Variants in SYNPO2 observed in about 807,000 individuals in gnomAD.
SYNPO2 encodes synaptopodin-2.
SYNPO2 carries 56 observed loss-of-function variants against 85.0 expected under a neutral mutation model. That is an observed-to-expected ratio of 0.66 (90% CI 0.53 to 0.82). The LOEUF (loss-of-function observed/expected upper bound fraction) is 0.82, where lower values mean the gene tolerates loss of function less well. SYNPO2 is among the 40% of genes least tolerant of loss of function. SYNPO2 has a pLI of 0.00. For missense variants in SYNPO2, 1,575 were observed against 1,534.2 expected, an observed-to-expected ratio of 1.03 and a Z score of -0.44; for synonymous variants, 602 against 591.1, an observed-to-expected ratio of 1.02 and a Z score of -0.27.
chr4:118,922,612 C>A (rs950240823), intron 1 of SYNPO2, among the ~76,000 whole-genome samples: 1 of 151,630 alleles, frequency 6.6e-6, no homozygotes. Flanking sequence ...TCTACTGGAA[C>A]CTACATGTTT....
chr4:119,027,590 T>C (rs1738026354), intron 3 of SYNPO2, 152 bp downstream of exon 3: 2 of 778,976 alleles, frequency 2.6e-6, no homozygotes, highest in African/African-American at 3.5e-5. Flanking sequence ...AAATGTGAAA[T>C]TGTGGAGAAT....
intron 1 of SYNPO2, among the ~76,000 whole-genome samples, chr4:118,976,133 T>C (rs1396405718): frequency 6.6e-6 from 1 of 152,176 alleles, no homozygotes; most frequent in Non-Finnish European, 1.5e-5. Flanking sequence ...CCGCGGACTC[T>C]CGCGGTGAGT....
intron 1 of SYNPO2, among the ~76,000 whole-genome samples, chr4:118,872,793 T>G (rs991339900): frequency 6.6e-6 from 1 of 152,084 alleles, no homozygotes; most frequent in African/African-American, 2.4e-5. Context: ...GACATGCCCA[T>G]TAAGTAATTT....
intron 1 of SYNPO2, among the ~76,000 whole-genome samples, chr4:118,860,730 T>C (rs961207389): frequency 2.0e-5 from 3 of 151,966 alleles, no homozygotes; most frequent in Admixed American, 6.6e-5. Flanking sequence ...TAATTTTTTG[T>C]ATTTTTAGTA....
rs139937747 is a variant in SYNPO2 at position 118,900,737 on chromosome 4, G to A, written c.105+11596G>A. On this transcript the variant is annotated intron_variant, in intron 1 of 4. Coordinates refer to ENST00000307142, the MANE Select transcript of SYNPO2 (RefSeq NM_133477.3). ...TATATATATATATATATATATGTCT[G>A]TCTGTCTATCTATCTATCTATCTAT... is the stretch of plus-strand genomic sequence containing the variant. 5.1e-3 allele frequency among the ~76,000 whole-genome samples: 422 copies of A among 82,006 alleles called. 1 individual carries two copies. Among genetic ancestry groups the A allele is most frequent in the African/African-American group, 9.4e-3 (229 of 24,292 alleles). The allele number at this position is 82,006 out of a possible 152,430, so 53.8% of individuals were successfully genotyped here.
chr4:118,976,157 A>G (rs1179731975), intron 1 of SYNPO2, among the ~76,000 whole-genome samples: 1 of 152,122 alleles, frequency 6.6e-6, no homozygotes, highest in Non-Finnish European at 1.5e-5. Flanking sequence ...ACAGCTCTTA[A>G]GTTGGCACGT....
chr4:119,048,138 T>C (rs1031362378), intron 4 of SYNPO2, among the ~76,000 whole-genome samples: 1 of 152,204 alleles, frequency 6.6e-6, no homozygotes. Context: ...TTTAGAAAAA[T>C]TGGTTTGTTC....
intron 1 of SYNPO2, among the ~76,000 whole-genome samples, chr4:118,990,292 A>T (rs1321423953): frequency 6.6e-6 from 1 of 152,228 alleles, no homozygotes; most frequent in East Asian, 1.9e-4. Flanking sequence ...TCACAAAGAA[A>T]CGTGCAGTGC....
At chr4:118,980,628 G>T (rs1469311320) in intron 1 of SYNPO2, among the ~76,000 whole-genome samples, 1 of 151,884 alleles carries the variant, frequency 6.6e-6, no homozygotes, top group Non-Finnish European at 1.5e-5. Flanking sequence ...GAAAAAAAAA[G>T]AACTTGATTA....
intron 1 of SYNPO2, among the ~76,000 whole-genome samples, chr4:118,948,288 C>A (rs778337726): frequency 2.0e-5 from 3 of 152,118 alleles, no homozygotes; most frequent in Non-Finnish European, 4.4e-5. Flanking sequence ...AGCAGTAGGA[C>A]TAAAATGTCC....
intron 1 of SYNPO2, among the ~76,000 whole-genome samples, chr4:118,906,204 G>A (rs1412904667): frequency 6.6e-6 from 1 of 151,998 alleles, no homozygotes; most frequent in African/African-American, 2.4e-5. Context: ...TTTTGCTGAG[G>A]TTTTGCTTTT....
At chr4:118,906,494 T>C (rs1190416357) in intron 1 of SYNPO2, among the ~76,000 whole-genome samples, 1 of 152,154 alleles carries the variant, frequency 6.6e-6, no homozygotes, top group Non-Finnish European at 1.5e-5. Flanking sequence ...GAGTTGATGA[T>C]TTTAAGGTTC....
At chr4:118,910,340 T>A (rs1733094348) in intron 1 of SYNPO2, among the ~76,000 whole-genome samples, 2 of 152,356 alleles carry the variant, frequency 1.3e-5, no homozygotes, top group Middle Eastern at 3.4e-3. Flanking sequence ...CTGTGATTGT[T>A]TTTCCCTCTC....
chr4:118,945,900 C>T (rs1168667221), intron 1 of SYNPO2, among the ~76,000 whole-genome samples: 2 of 152,056 alleles, frequency 1.3e-5, no homozygotes, highest in East Asian at 3.9e-4. Flanking sequence ...CGCGCACCAC[C>T]ACACCTGGCT....
At position 119,031,226 on chromosome 4, in the gene SYNPO2, G is replaced by T; in HGVS notation, c.2451G>T (p.Arg817=). Residue 817 remains arginine (R), a synonymous_variant, in exon 4 of 5, where the codon CGG becomes CGT. Transcript: ENST00000307142. The part of the protein sequence containing the change: ...KIAQPSYPPA[R]PASTLNVAGP... ...CCCAGCCTTCTTACCCTCCTGCCCG[G>T]CCTGCAAGTACTTTGAACGTGGCTG... 6.2e-7 allele frequency: 1 copy of T among 1,614,044 alleles called. No individual in the cohort carries two copies. The highest frequency in any genetic ancestry group is 8.5e-7 in the Non-Finnish European group (1 of 1,180,016).
intron 1 of SYNPO2, among the ~76,000 whole-genome samples, chr4:118,970,224 T>G (rs1161261006): frequency 6.6e-6 from 1 of 152,210 alleles, no homozygotes; most frequent in Non-Finnish European, 1.5e-5. Context: ...ATGCCTACCA[T>G]GTACCAGACA....
At chr4:119,009,048 G>A (rs1182725841) in intron 1 of SYNPO2, among the ~76,000 whole-genome samples, 2 of 152,122 alleles carry the variant, frequency 1.3e-5, no homozygotes, top group African/African-American at 2.4e-5. Flanking sequence ...TTTGTGATCA[G>A]GTAGAGAATT....
chr4:118,892,241 A>G (rs1486496968), intron 1 of SYNPO2, among the ~76,000 whole-genome samples: 2 of 152,168 alleles, frequency 1.3e-5, no homozygotes, highest in Non-Finnish European at 2.9e-5. Context: ...TGGCACGAAA[A>G]TCTGTTTTGT....
chr4:118,912,355 A>G (rs980475756), intron 1 of SYNPO2, among the ~76,000 whole-genome samples: 2 of 151,958 alleles, frequency 1.3e-5, no homozygotes, highest in East Asian at 3.9e-4. Context: ...TAATTTTTGT[A>G]CTTTTAGTAG....
Sources: allele counts gnomAD v4.1 joint callset (sites outside exome capture counted in the v4.1 genomes callset), GRCh38; gene constraint gnomAD v4.1.1; transcripts MANE v1.5; gene names NCBI Gene and HGNC (gene_info 2026-07-23, HGNC 2026-07-21).